TBCA: variants seen among roughly 807,000 people sequenced by gnomAD.
The protein encoded by TBCA is tubulin folding cofactor A.
Under a neutral mutation model 15.8 loss-of-function variants are expected in TBCA, and 6 were observed. That is an observed-to-expected ratio of 0.38 (90% confidence interval 0.21 to 0.75). TBCA has a LOEUF of 0.75. TBCA is among the 30% of genes least tolerant of loss of function. The pLI, the probability that TBCA is intolerant of heterozygous loss-of-function variation, is 0.46. For synonymous variants in TBCA, 32 were observed against 42.3 expected, an observed-to-expected ratio of 0.76 and a Z score of 0.94; for missense variants, 90 against 131.2, an observed-to-expected ratio of 0.69 and a Z score of 1.53.
intron 1 of TBCA, among the ~76,000 whole-genome samples, chr5:77,724,092 A>C (rs990465511): frequency 2.0e-5 from 3 of 152,022 alleles, no homozygotes; most frequent in African/African-American, 7.2e-5. Flanking sequence ...TGTGTACACG[A>C]ATCTTCAACA....
At chr5:77,714,575 A>ATTATTTTT (rs1554043961) in intron 1 of TBCA, among the ~76,000 whole-genome samples, 4 of 148,926 alleles carry the variant, frequency 2.7e-5, no homozygotes, top group Non-Finnish European at 5.9e-5. Flanking sequence ...TATTATTATT[A>ATTATTTTT]TTTTTTTTTG....
At chr5:77,708,998 T>A (rs1288991515) in intron 1 of TBCA, among the ~76,000 whole-genome samples, 6 of 148,176 alleles carry the variant, frequency 4.0e-5, no homozygotes, top group African/African-American at 1.3e-4. Flanking sequence ...TTTTTTTTTT[T>A]TAAATATGTC....
chr5:77,708,463 G>C (rs1037985280), intron 1 of TBCA, 116 bp from the exon 2 acceptor site: 1 of 590,754 alleles, frequency 1.7e-6, no homozygotes, highest in Non-Finnish European at 3.0e-6. Flanking sequence ...TATACTAGAT[G>C]GGGGGAGGAA....
rs893851629 is a variant in TBCA, at chr5:77,774,707, G to A, written c.53+1498C>T. The stretch of plus-strand genomic sequence containing the variant: ...AACCAAGCTGTAGCCTGACCACCTC[G>A]GGCACATGTCATCAGGACTTCCTGA... On this transcript the variant is annotated intron_variant, in intron 1 of 3. Coordinates refer to ENST00000380377, the MANE Select transcript of TBCA (RefSeq NM_004607.3). Among the ~76,000 whole-genome samples, 5 of 152,024 alleles carry A rather than the reference G, an allele frequency of 3.3e-5. No individual in the cohort carries two copies. In the South Asian group the frequency reaches 6.2e-4, roughly 19 times the overall value.
At chr5:77,765,131 A>C (rs1210349725) in intron 1 of TBCA, among the ~76,000 whole-genome samples, 1 of 152,184 alleles carries the variant, frequency 6.6e-6, no homozygotes, top group Non-Finnish European at 1.5e-5. Context: ...CATTTTTGCA[A>C]ATCTTTATGT....
At chr5:77,718,840 C>G (rs972321189) in intron 1 of TBCA, among the ~76,000 whole-genome samples, 1 of 152,192 alleles carries the variant, frequency 6.6e-6, no homozygotes. Context: ...TCCTCATCCT[C>G]TCCCAACCAA....
chr5:77,713,550 A>G (rs750610806), intron 1 of TBCA, among the ~76,000 whole-genome samples: 2 of 152,180 alleles, frequency 1.3e-5, no homozygotes, highest in Non-Finnish European at 2.9e-5. Context: ...TTTTAAATAC[A>G]TAGTGCATAA....
At chr5:77,692,374 G>C (rs1446968042) in intron 3 of TBCA, 1 of 984,474 alleles carries the variant, frequency 1.0e-6, no homozygotes, top group Non-Finnish European at 1.2e-6. Flanking sequence ...GTAAATACAA[G>C]CTCTTCAAGG....
intron 1 of TBCA, among the ~76,000 whole-genome samples, chr5:77,723,931 T>C (rs1746577831): frequency 6.6e-6 from 1 of 152,044 alleles, no homozygotes; most frequent in Admixed American, 6.6e-5. Flanking sequence ...GTTTTTAATG[T>C]TTTCAAAACT....
At chr5:77,730,785 CAA>C (rs1208941888) in intron 1 of TBCA, among the ~76,000 whole-genome samples, 1 of 152,076 alleles carries the variant, frequency 6.6e-6, no homozygotes, top group Admixed American at 6.6e-5. Context: ...GGGCAACTAA[CAA>C]AATAACAACT....
At chr5:77,695,819 C>G (rs1745858731) in intron 2 of TBCA, among the ~76,000 whole-genome samples, 1 of 152,106 alleles carries the variant, frequency 6.6e-6, no homozygotes, top group Non-Finnish European at 1.5e-5. Context: ...CTGGGAGATG[C>G]AAAGAACCTT....
chr5:77,750,214 T>C (rs956743690), intron 1 of TBCA, among the ~76,000 whole-genome samples: 1 of 151,802 alleles, frequency 6.6e-6, no homozygotes, highest in Non-Finnish European at 1.5e-5. Context: ...ATTTGTGCCA[T>C]GTATGATATA....
chr5:77,755,754 C>G (rs552835143), intron 1 of TBCA, among the ~76,000 whole-genome samples: 3 of 152,172 alleles, frequency 2.0e-5, no homozygotes, highest in African/African-American at 7.2e-5. Context: ...CCTGTAATCC[C>G]AGCACTTTGG....
chr5:77,765,425 A>G (rs1328703514), intron 1 of TBCA, among the ~76,000 whole-genome samples: 2 of 152,220 alleles, frequency 1.3e-5, no homozygotes, highest in Non-Finnish European at 2.9e-5. Context: ...TGAAAACTAC[A>G]AAGTTCTCTG....
At chr5:77,693,062 T>C (rs1580086380) in intron 3 of TBCA, 11 of 1,443,008 alleles carry the variant, frequency 7.6e-6, no homozygotes, top group Non-Finnish European at 9.9e-6. Context: ...TGAACAAACA[T>C]GCTAGAAAAC....
chr5:77,714,821 C>T (rs769980327), intron 1 of TBCA, among the ~76,000 whole-genome samples: 8 of 152,082 alleles, frequency 5.3e-5, no homozygotes, highest in Non-Finnish European at 8.8e-5. Context: ...CCACCTCGAC[C>T]TCCCAAAGTG....
chr5:77,721,511 AAATAATTTTCACAC>A (rs1308390144), intron 1 of TBCA, among the ~76,000 whole-genome samples: 1 of 151,088 alleles, frequency 6.6e-6, no homozygotes, highest in Non-Finnish European at 1.5e-5. Context: ...TAAGAGTTAC[AAATAATTTTCACAC>A]AATAATCCTA....
intron 3 of TBCA, chr5:77,692,523 G>A: frequency 4.2e-6 from 4 of 953,986 alleles, no homozygotes; most frequent in Non-Finnish European, 5.0e-6. Flanking sequence ...CCTGACTCGT[G>A]ATCCACCCAC....
intron 2 of TBCA, chr5:77,693,562 A>G (rs1185434056): frequency 1.0e-5 from 6 of 587,030 alleles, no homozygotes; most frequent in Non-Finnish European, 1.8e-5. Flanking sequence ...ATTTTGGGAG[A>G]CCGAGGCAGG....
Sources: gnomAD v4.1 joint callset for allele counts (sites outside exome capture counted in the v4.1 genomes callset) on GRCh38, gnomAD v4.1.1 for gene constraint, MANE v1.5 for transcripts, NCBI Gene and HGNC (gene_info 2026-07-23, HGNC 2026-07-21) for gene names.